HIBCH: variants seen among roughly 807,000 people sequenced by gnomAD.
HIBCH encodes the protein 3-hydroxyisobutyryl-CoA hydrolase.
A neutral mutation model predicts 58.2 loss-of-function variants in HIBCH; 50 were observed. The ratio of observed to expected loss-of-function variants is 0.86; its 90% CI spans 0.68 to 1.09. The LOEUF (loss-of-function observed/expected upper bound fraction) is 1.09. Ranked by LOEUF, HIBCH falls within the 50% of genes least tolerant of loss-of-function variation. The probability of loss-of-function intolerance (pLI) is 0.00; values close to 1 mark genes in which losing one functional copy is unlikely to be tolerated. For synonymous variants in HIBCH, 151 were observed against 146.9 expected (o/e 1.03, Z -0.20); for missense variants, 450 against 449.7 (o/e 1.00, Z -0.01).
chr2:190,239,009 C>T (rs1331100374), intron 11 of HIBCH, among the ~76,000 whole-genome samples: 1 of 152,114 alleles, frequency 6.6e-6, no homozygotes, highest in Non-Finnish European at 1.5e-5. Flanking sequence ...GTTGCAATTG[C>T]TTTTGGTGGT....
intron 6 of HIBCH, among the ~76,000 whole-genome samples, chr2:190,275,058 C>CA (rs150565603): frequency 0.015 from 2,309 of 152,206 alleles, 64 homozygotes; most frequent in African/African-American, 0.051. Context: ...CTCCTATAAT[C>CA]AAAAAACCCT....
intron 6 of HIBCH, among the ~76,000 whole-genome samples, chr2:190,264,259 G>A (rs1687169444): frequency 2.2e-5 from 3 of 135,758 alleles, no homozygotes; most frequent in South Asian, 2.3e-4. Context: ...CAAGCCACAC[G>A]GGCTTTCTTT....
chr2:190,222,139 C>T lies in HIBCH; in HGVS notation c.892-9064G>A, dbSNP rs77741549. Among the ~76,000 whole-genome samples the T allele has an allele frequency of 7.0e-3, 1,070 of 152,262 alleles. 12 individuals are homozygous for T. Among genetic ancestry groups the T allele is most frequent in the African/African-American group, 0.023 (964 of 41,532 alleles). On this transcript the variant is annotated intron_variant, in intron 11 of 13. Transcript: ENST00000359678. ...TCAGGGGTCATAGGCACCCCCTAGA[C>T]GCTGCTGCTGGGCTGCACAGAGTTT...
At chr2:190,265,918 A>C (rs1030175538) in intron 6 of HIBCH, among the ~76,000 whole-genome samples, 1 of 152,030 alleles carries the variant, frequency 6.6e-6, no homozygotes, top group Non-Finnish European at 1.5e-5. Flanking sequence ...CTTATCACTA[A>C]GGATTTATCA....
intron 2 of HIBCH, 136 bp from the exon 3 acceptor site, chr2:190,297,089 A>C (rs1688126532): frequency 2.6e-6 from 2 of 763,224 alleles, no homozygotes; most frequent in Non-Finnish European, 2.2e-6. Flanking sequence ...TACACCTTAT[A>C]AGTTTCTGAA....
rs1686866160 is a variant in HIBCH, at chr2:190,254,403, C to A, written c.518-2096G>T. Among the ~76,000 whole-genome samples, 1 of 152,082 alleles carries A rather than the reference C, an allele frequency of 6.6e-6. No homozygotes were observed. Among genetic ancestry groups the A allele is most frequent in the Admixed American group, 6.5e-5 (1 of 15,272 alleles). On this transcript the variant is annotated intron_variant, in intron 7 of 13. Transcript: ENST00000359678. The surrounding 1 kb of genome is among the most constrained non-coding windows in gnomAD (Gnocchi z 5.0). ...GAGAACCATCTGCTGACACCTTGATCTCAGCCTTTCAATCTCCAGAACTGT... is the reference window on the plus strand; with the variant it reads ...GAGAACCATCTGCTGACACCTTGATATCAGCCTTTCAATCTCCAGAACTGT...
intron 13 of HIBCH, 47 bp downstream of exon 13, chr2:190,208,833 C>CA: frequency 6.4e-7 from 1 of 1,557,960 alleles, no homozygotes; most frequent in Non-Finnish European, 8.9e-7. Flanking sequence ...AGCATATGCT[C>CA]ACAAATCCCA....
chr2:190,301,583 T>C (rs1184090715), intron 2 of HIBCH, among the ~76,000 whole-genome samples: 2 of 152,216 alleles, frequency 1.3e-5, no homozygotes, highest in Non-Finnish European at 2.9e-5. Flanking sequence ...GGGTACATGC[T>C]TTATAAATTT....
intron 6 of HIBCH, among the ~76,000 whole-genome samples, chr2:190,274,085 T>C (rs1458084810): frequency 1.3e-5 from 2 of 152,214 alleles, no homozygotes; most frequent in Non-Finnish European, 2.9e-5. Context: ...TACAGGCATG[T>C]GCCACTGCGC....
chr2:190,228,928 T>C (rs1366672), intron 11 of HIBCH, among the ~76,000 whole-genome samples: 47,675 of 152,060 alleles, frequency 0.31, 8,629 homozygotes, highest in African/African-American at 0.48. Context: ...ATTATCAGAA[T>C]TATAATCACT....
At chr2:190,224,446 CA>C (rs1412658839) in intron 11 of HIBCH, among the ~76,000 whole-genome samples, 1 of 151,966 alleles carries the variant, frequency 6.6e-6, no homozygotes, top group Non-Finnish European at 1.5e-5. Context: ...GAAGATCTAC[CA>C]AGCAAATGGA....
In HIBCH at chr2:190,207,057, G is replaced by A. The variant is rs1690409055; in HGVS notation, c.1045+1823C>T. 1.3e-5 allele frequency among the ~76,000 whole-genome samples: 2 copies of A among 152,130 alleles called. No individual in the cohort carries two copies. Among genetic ancestry groups the A allele is most frequent in the Admixed American group, 1.3e-4 (2 of 15,284 alleles). On this transcript the variant is annotated intron_variant, in intron 13 of 13. Coordinates refer to ENST00000359678, the MANE Select transcript of HIBCH (RefSeq NM_014362.4). The surrounding 1 kb of genome is among the most constrained non-coding windows in gnomAD (Gnocchi z 4.5). ...GAATGGTGTGAACCCGGGAGGCGGA[G>A]TTTGCAGTGAGCCGAGATTTTGCCA...
chr2:190,264,702 T>C (rs192241040), intron 6 of HIBCH, among the ~76,000 whole-genome samples: 34 of 152,352 alleles, frequency 2.2e-4, no homozygotes, highest in Non-Finnish European at 3.7e-4. Context: ...GCTATTTGGA[T>C]TGTCTCCAGT....
chr2:190,270,268 C>CTTTTT (rs33918420), intron 6 of HIBCH, among the ~76,000 whole-genome samples: 2 of 143,414 alleles, frequency 1.4e-5, no homozygotes, highest in Admixed American at 1.4e-4. Context: ...GTTATTACAC[C>CTTTTT]TTTTTTTTTT....
intron 11 of HIBCH, among the ~76,000 whole-genome samples, chr2:190,229,120 A>G (rs1686015154): frequency 6.6e-6 from 1 of 152,220 alleles, no homozygotes; most frequent in South Asian, 2.1e-4. Flanking sequence ...GGTAGAGGCT[A>G]TATCCTGAGA....
intron 2 of HIBCH, among the ~76,000 whole-genome samples, chr2:190,307,695 T>C (rs1688449741): frequency 7.1e-6 from 1 of 141,468 alleles, no homozygotes; most frequent in Non-Finnish European, 1.6e-5. Flanking sequence ...GAGTTTAAAA[T>C]AGATTATGGA....
chr2:190,200,451 T>C (rs546238681), downstream of HIBCH: 39 of 247,010 alleles, frequency 1.6e-4, no homozygotes, highest in African/African-American at 8.3e-4. Context: ...AAGAAAATGC[T>C]AAGGAATAAA....
chr2:190,264,175 C>G (rs911152449), intron 6 of HIBCH, among the ~76,000 whole-genome samples: 1 of 152,122 alleles, frequency 6.6e-6, no homozygotes, highest in Non-Finnish European at 1.5e-5. Context: ...TGATATGGTC[C>G]CATATGATCT....
rs1253718747 is a variant in HIBCH, at chr2:190,204,498, G to T, written c.*619C>A. The T allele has an allele frequency of 2.0e-5, 3 of 152,106 alleles. No homozygotes were observed. Among genetic ancestry groups the T allele is most frequent in the African/African-American group, 7.2e-5 (3 of 41,426 alleles). 9.4% of individuals were successfully genotyped at this position (152,106 alleles called of 1,614,324 possible). On this transcript the variant is annotated 3_prime_UTR_variant, in exon 14 of 14. Transcript: ENST00000359678. ...TAAAAATCTTTTCTCTCTGCCCAAGGTTTCTAATGTTTATAAAAGGAGCTC... is the reference window on the plus strand; with the variant it reads ...TAAAAATCTTTTCTCTCTGCCCAAGTTTTCTAATGTTTATAAAAGGAGCTC...
Sources: gnomAD v4.1 joint callset for allele counts (sites outside exome capture counted in the v4.1 genomes callset) on GRCh38, gnomAD v4.1.1 for gene constraint, Gnocchi (gnomAD v3.1) non-coding constraint, MANE v1.5 for transcripts, NCBI Gene and HGNC (gene_info 2026-07-23, HGNC 2026-07-21) for gene names.